KSR2: variants seen among roughly 807,000 people sequenced by gnomAD.
The protein encoded by KSR2 is kinase suppressor of ras 2.
KSR2 carries 25 observed loss-of-function variants against 107.8 expected under a neutral mutation model. The observed-to-expected ratio is 0.23, with a 90% CI of 0.17 to 0.32. KSR2 has a LOEUF of 0.32. KSR2 is among the 10% of genes least tolerant of loss of function. The probability of loss-of-function intolerance (pLI) is 1.00; values close to 1 mark genes in which losing one functional copy is unlikely to be tolerated. For missense variants in KSR2, 887 were observed against 1,268.9 expected (o/e 0.70, Z 4.57); for synonymous variants, 480 against 507.0 (o/e 0.95, Z 0.71).
intron 1 of KSR2, among the ~76,000 whole-genome samples, chr12:117,963,602 C>CA (rs149837779): frequency 0.2 from 29,730 of 151,334 alleles, 3,404 homozygotes; most frequent in African/African-American, 0.31. Context: ...GACCCTGCCT[C>CA]AAAAAAAACA....
chr12:117,521,476 G>A (rs1049816666), intron 14 of KSR2, among the ~76,000 whole-genome samples: 3 of 152,272 alleles, frequency 2.0e-5, no homozygotes, highest in Admixed American at 6.5e-5. Flanking sequence ...TGCGCAGACC[G>A]TCGATAGCTT....
chr12:117,846,243 C>A (rs1192292209), intron 3 of KSR2, among the ~76,000 whole-genome samples: 2 of 152,134 alleles, frequency 1.3e-5, no homozygotes, highest in Admixed American at 6.5e-5. Flanking sequence ...ACAAAGCCAC[C>A]ATTGTTTCAC....
At chr12:117,829,504 G>A (rs1442767353) in intron 3 of KSR2, among the ~76,000 whole-genome samples, 1 of 152,158 alleles carries the variant, frequency 6.6e-6, no homozygotes, top group Admixed American at 6.5e-5. Context: ...TACCTAACAT[G>A]GGGCTTGGCA....
At chr12:117,728,663 A>G (rs1887543166) in intron 4 of KSR2, among the ~76,000 whole-genome samples, 1 of 152,212 alleles carries the variant, frequency 6.6e-6, no homozygotes, top group African/African-American at 2.4e-5. Context: ...AAGCATGGAT[A>G]ACGGCCGTGC....
chr12:117,776,604 G>A (rs550084764), intron 3 of KSR2, among the ~76,000 whole-genome samples: 1 of 152,114 alleles, frequency 6.6e-6, no homozygotes, highest in African/African-American at 2.4e-5. Context: ...CAGGCCCCTG[G>A]GAGTCATGGA....
chr12:117,626,611 T>G (rs1213439858), intron 5 of KSR2, among the ~76,000 whole-genome samples: 1 of 152,174 alleles, frequency 6.6e-6, no homozygotes, highest in Non-Finnish European at 1.5e-5. Flanking sequence ...TGCTAAGGAG[T>G]GCTTTACTTC....
chr12:117,898,381 G>A (rs1342149227), intron 1 of KSR2, among the ~76,000 whole-genome samples: 1 of 151,370 alleles, frequency 6.6e-6, no homozygotes, highest in Non-Finnish European at 1.5e-5. Flanking sequence ...GCCCAGGCTG[G>A]AGTGAAGTGG....
chr12:117,475,556 G>T (rs546365492), intron 17 of KSR2, among the ~76,000 whole-genome samples: 28 of 152,204 alleles, frequency 1.8e-4, no homozygotes, highest in Non-Finnish European at 2.1e-4. Flanking sequence ...GATTGGATTT[G>T]GTTCCTCTTT....
chr12:117,856,559 A>G (rs1349747362), intron 2 of KSR2, among the ~76,000 whole-genome samples: 1 of 151,874 alleles, frequency 6.6e-6, no homozygotes, highest in Non-Finnish European at 1.5e-5. Flanking sequence ...TCACTGCAAC[A>G]TCCACCTCCC....
chr12:117,772,596 G>T (rs1041660269), intron 3 of KSR2, among the ~76,000 whole-genome samples: 6 of 97,714 alleles, frequency 6.1e-5, no homozygotes, highest in Non-Finnish European at 8.1e-5. Context: ...TTCCCCCAAA[G>T]ACGCACACAC....
intron 5 of KSR2, among the ~76,000 whole-genome samples, chr12:117,644,240 C>T (rs1046769279): frequency 3.9e-5 from 6 of 152,302 alleles, no homozygotes; most frequent in African/African-American, 9.6e-5. Context: ...ATGGCCCTAG[C>T]GAGGCCTCTG....
intron 4 of KSR2, among the ~76,000 whole-genome samples, chr12:117,728,638 G>A (rs551451833): frequency 1.5e-4 from 23 of 152,280 alleles, no homozygotes; most frequent in African/African-American, 5.1e-4. Context: ...TTCCCCCAGC[G>A]CTGCAAAACA....
chr12:117,623,207 T>C (rs1850403), intron 5 of KSR2, among the ~76,000 whole-genome samples: 136,584 of 152,330 alleles, frequency 0.9, 61,397 homozygotes, highest in East Asian at 0.99. Flanking sequence ...CTCACATTTA[T>C]ACATTTACTT....
intron 3 of KSR2, among the ~76,000 whole-genome samples, chr12:117,814,090 T>C (rs1891290628): frequency 6.6e-6 from 1 of 152,116 alleles, no homozygotes; most frequent in Non-Finnish European, 1.5e-5. Flanking sequence ...AAAAAGTAGA[T>C]GAGAGGATAA....
intron 5 of KSR2, among the ~76,000 whole-genome samples, chr12:117,625,045 C>T (rs58003813): frequency 0.11 from 16,290 of 152,162 alleles, 988 homozygotes; most frequent in African/African-American, 0.15. Context: ...GATTTTTGCA[C>T]GTTGATTTTG....
chr12:117,524,184 T>C lies in KSR2; in HGVS notation c.2219+668A>G, dbSNP rs185920677. Among the ~76,000 whole-genome samples the C allele has an allele frequency of 6.0e-4, 91 of 152,282 alleles. 1 individual carries two copies. The East Asian group carries it at 0.011, about 19-fold the overall frequency. Reference sequence around the variant, plus strand: ...CCACAAAGCTGAAAATATTTACTATTGGGCCCCTTACAAAAAAAAGTTGGC... The same window carrying C: ...CCACAAAGCTGAAAATATTTACTATCGGGCCCCTTACAAAAAAAAGTTGGC... On this transcript the variant is annotated intron_variant, in intron 14 of 19. Coordinates refer to ENST00000339824, the MANE Select transcript of KSR2 (RefSeq NM_173598.6).
At chr12:117,896,857 C>T (rs1378877378) in intron 1 of KSR2, among the ~76,000 whole-genome samples, 1 of 152,118 alleles carries the variant, frequency 6.6e-6, no homozygotes, top group East Asian at 1.9e-4. Flanking sequence ...AAATTCTCCC[C>T]AGGTGATTCT....
At chr12:117,905,147 A>G (rs1030224548) in intron 1 of KSR2, among the ~76,000 whole-genome samples, 5 of 152,254 alleles carry the variant, frequency 3.3e-5, no homozygotes, top group South Asian at 2.1e-4. Flanking sequence ...ACACCACTGC[A>G]CTCCAGCCTG....
chr12:117,642,941 A>G (rs4492895), intron 5 of KSR2, among the ~76,000 whole-genome samples: 70,658 of 152,090 alleles, frequency 0.46, 18,724 homozygotes, highest in Non-Finnish European at 0.6. Context: ...GTAACCCACA[A>G]TGATTCCACT....
Sources: gnomAD v4.1 joint callset for allele counts (sites outside exome capture counted in the v4.1 genomes callset) on GRCh38, gnomAD v4.1.1 for gene constraint, MANE v1.5 for transcripts, NCBI Gene and HGNC (gene_info 2026-07-23, HGNC 2026-07-21) for gene names.